The following SNX29 variants were observed in gnomAD, a reference collection of about 807,000 sequenced individuals.
SNX29 encodes sorting nexin-29.
A neutral mutation model predicts 102.1 loss-of-function variants in SNX29; 78 were observed. The observed-to-expected ratio is 0.76, with a 90% CI of 0.64 to 0.92. The LOEUF is 0.92. SNX29 is among the 40% of genes least tolerant of loss of function. The pLI, the probability that SNX29 is intolerant of heterozygous loss-of-function variation, is 0.00. For synonymous variants in SNX29, 580 were observed against 414.5 expected (o/e 1.40, Z -4.85); for missense variants, 1,280 against 1,061.7 (o/e 1.21, Z -2.86).
At chr16:12,339,473 G>A (rs2081552273) in intron 15 of SNX29, among the ~76,000 whole-genome samples, 1 of 151,510 alleles carries the variant, frequency 6.6e-6, no homozygotes, top group Non-Finnish European at 1.5e-5. Flanking sequence ...CTGTGAGTCA[G>A]GACTCTAATC....
chr16:12,181,661 CG>C (rs1157574008), intron 13 of SNX29, among the ~76,000 whole-genome samples: 1 of 149,878 alleles, frequency 6.7e-6, no homozygotes, highest in African/African-American at 2.5e-5. Context: ...AGGGGGCTGC[CG>C]GTGATTTGGG....
chr16:12,150,423 A>G (rs956595310), intron 13 of SNX29, among the ~76,000 whole-genome samples: 1 of 152,162 alleles, frequency 6.6e-6, no homozygotes, highest in Non-Finnish European at 1.5e-5. Context: ...CAAGATGTGA[A>G]TGAATTATTT....
At chr16:12,440,096 A>C (rs1301718181) in intron 18 of SNX29, among the ~76,000 whole-genome samples, 1 of 152,174 alleles carries the variant, frequency 6.6e-6, no homozygotes, top group African/African-American at 2.4e-5. Context: ...TCGAGACTGA[A>C]AGAAGCTGTG....
intron 13 of SNX29, among the ~76,000 whole-genome samples, chr16:12,137,879 G>A (rs1281870539): frequency 6.6e-6 from 1 of 152,306 alleles, no homozygotes; most frequent in African/African-American, 2.4e-5. Flanking sequence ...AAGGGTGTGG[G>A]CCGTTTCATT....
At chr16:12,471,381 G>T (rs954665658) in intron 18 of SNX29, among the ~76,000 whole-genome samples, 5 of 152,152 alleles carry the variant, frequency 3.3e-5, no homozygotes, top group African/African-American at 1.2e-4. Context: ...CTCTTCCAAA[G>T]ACTTAGCCTC....
chr16:12,560,356 C>T (rs995554735), intron 20 of SNX29, among the ~76,000 whole-genome samples: 2 of 152,138 alleles, frequency 1.3e-5, no homozygotes, highest in African/African-American at 2.4e-5. Context: ...TTACATTCAT[C>T]TGGTGACAGG....
At chr16:11,982,878 G>A (rs575076253) in intron 1 of SNX29, among the ~76,000 whole-genome samples, 1 of 152,086 alleles carries the variant, frequency 6.6e-6, no homozygotes, top group Non-Finnish European at 1.5e-5. Flanking sequence ...GCTGTTTCTT[G>A]CCTGACGTTA....
intron 19 of SNX29, among the ~76,000 whole-genome samples, chr16:12,509,488 G>T (rs1458527935): frequency 6.6e-6 from 1 of 152,212 alleles, no homozygotes; most frequent in African/African-American, 2.4e-5. Flanking sequence ...TTGGCCTTGG[G>T]AGCTCTTTCA....
At chr16:12,540,791 A>AC (rs1380021352) in intron 20 of SNX29, among the ~76,000 whole-genome samples, 1 of 152,200 alleles carries the variant, frequency 6.6e-6, no homozygotes, top group Non-Finnish European at 1.5e-5. Flanking sequence ...GTGCTTGAGG[A>AC]CTGCTCAAGG....
In SNX29 at chr16:12,572,454, A is replaced by T. The variant is rs970264263; in HGVS notation, c.*3825A>T. ...GCTGCCTCTCTTGGTTCTGCATGGT[A>T]CATTTTGCCAACCCTGAGGACCAGT... is the stretch of plus-strand genomic sequence containing the variant. On this transcript the variant is annotated 3_prime_UTR_variant, in exon 21 of 21. Transcript: ENST00000566228. The T allele has an allele frequency of 9.4e-7, 1 of 1,062,810 alleles. No individual in the cohort carries two copies. The highest frequency in any genetic ancestry group is 4.6e-5 in the South Asian group (1 of 21,972). 65.8% of individuals were successfully genotyped at this position (1,062,810 alleles called of 1,614,324 possible).
At chr16:12,382,134 C>T (rs1005813783) in intron 16 of SNX29, among the ~76,000 whole-genome samples, 3 of 152,118 alleles carry the variant, frequency 2.0e-5, no homozygotes, top group East Asian at 3.9e-4. Context: ...TATTTGACCC[C>T]TACCTCTCAT....
At chr16:12,367,028 A>G (rs1161724798) in intron 16 of SNX29, 1 of 152,124 alleles carries the variant, frequency 6.6e-6, no homozygotes, top group South Asian at 2.1e-4. Flanking sequence ...AAAAACTACA[A>G]AGCCTTTCCA....
chr16:12,235,910 T>TA (rs1427662491), intron 14 of SNX29, among the ~76,000 whole-genome samples: 1 of 152,082 alleles, frequency 6.6e-6, no homozygotes, highest in Non-Finnish European at 1.5e-5. Flanking sequence ...TGGTAACAGG[T>TA]AAAGATTCAG....
At chr16:12,448,146 AG>A (rs1274522608) in intron 18 of SNX29, among the ~76,000 whole-genome samples, 2 of 152,210 alleles carry the variant, frequency 1.3e-5, no homozygotes, top group Non-Finnish European at 2.9e-5. Flanking sequence ...TGAAGTTCAG[AG>A]GGGTTAAGCA....
intron 15 of SNX29, among the ~76,000 whole-genome samples, chr16:12,278,501 T>A (rs1387152966): frequency 6.6e-6 from 1 of 152,014 alleles, no homozygotes; most frequent in Non-Finnish European, 1.5e-5. Context: ...CATTTTGGAA[T>A]AAAGTTGTAC....
intron 13 of SNX29, chr16:12,135,873 C>A (rs2054640613): frequency 3.1e-6 from 1 of 324,936 alleles, no homozygotes; most frequent in South Asian, 3.0e-5. Flanking sequence ...AATCAACCTG[C>A]CAGGTCCAGG....
chr16:12,031,554 C>A (rs1366758519), intron 4 of SNX29, among the ~76,000 whole-genome samples: 1 of 151,860 alleles, frequency 6.6e-6, no homozygotes, highest in African/African-American at 2.4e-5. Flanking sequence ...TGCCTGTAAT[C>A]CCAGCACTTT....
At chr16:11,980,791 T>C (rs1454586579) in intron 1 of SNX29, among the ~76,000 whole-genome samples, 1 of 152,190 alleles carries the variant, frequency 6.6e-6, no homozygotes, top group East Asian at 1.9e-4. Context: ...ACCAATTGTG[T>C]ATCCTCCTTG....
At chr16:12,408,756 G>T (rs2084275961) in intron 18 of SNX29, among the ~76,000 whole-genome samples, 1 of 152,198 alleles carries the variant, frequency 6.6e-6, no homozygotes. Context: ...GGAGGCGGAG[G>T]TTGCAGTGAG....
Sources: gnomAD v4.1 joint callset for allele counts (sites outside exome capture counted in the v4.1 genomes callset) on GRCh38, gnomAD v4.1.1 for gene constraint, MANE v1.5 for transcripts, NCBI Gene and HGNC (gene_info 2026-07-23, HGNC 2026-07-21) for gene names.